The following SESN1 variants were observed in gnomAD, a reference collection of about 807,000 sequenced individuals.
The protein encoded by SESN1 is sestrin-1.
Under a neutral mutation model 59.3 loss-of-function variants are expected in SESN1, and 30 were observed. The ratio of observed to expected loss-of-function variants is 0.51; its 90% CI spans 0.38 to 0.69. The LOEUF (loss-of-function observed/expected upper bound fraction) is 0.69. Ranked by LOEUF, SESN1 falls within the 30% of genes least tolerant of loss-of-function variation. The pLI, the probability that SESN1 is intolerant of heterozygous loss-of-function variation, is 0.00. For missense variants in SESN1, 566 were observed against 673.0 expected (o/e 0.84, Z 1.76); for synonymous variants, 197 against 219.9 (o/e 0.90, Z 0.92).
chr6:109,051,611 CT>C (rs1322413031), intron 1 of SESN1, among the ~76,000 whole-genome samples: 8 of 152,078 alleles, frequency 5.3e-5, no homozygotes, highest in African/African-American at 1.4e-4. Context: ...CACTGGTTTT[CT>C]TTTTTTCTGT....
chr6:109,083,550 T>C (rs888836261), intron 1 of SESN1, among the ~76,000 whole-genome samples: 1 of 152,196 alleles, frequency 6.6e-6, no homozygotes, highest in Admixed American at 6.5e-5. Flanking sequence ...CAATTTTTCA[T>C]ACTCAGAATG....
At chr6:109,024,978 G>A (rs1241994784) in intron 1 of SESN1, among the ~76,000 whole-genome samples, 3 of 152,228 alleles carry the variant, frequency 2.0e-5, no homozygotes, top group East Asian at 1.9e-4. Flanking sequence ...AAAACCCACC[G>A]ACAGGAGGAG....
At chr6:109,044,424 T>A (rs1361999000) in intron 1 of SESN1, among the ~76,000 whole-genome samples, 1 of 137,562 alleles carries the variant, frequency 7.3e-6, no homozygotes, top group African/African-American at 2.7e-5. Flanking sequence ...TAATAGGACA[T>A]CCATACGCAA....
At chr6:109,052,019 C>T (rs1780549972) in intron 1 of SESN1, among the ~76,000 whole-genome samples, 1 of 152,192 alleles carries the variant, frequency 6.6e-6, no homozygotes, top group South Asian at 2.1e-4. Flanking sequence ...CCACAGCAGA[C>T]AACAATGGCT....
chr6:109,063,214 A>G (rs1780760416), intron 1 of SESN1, among the ~76,000 whole-genome samples: 1 of 151,938 alleles, frequency 6.6e-6, no homozygotes, highest in African/African-American at 2.4e-5. Flanking sequence ...ACACACCTCT[A>G]TATTAGATAG....
intron 1 of SESN1, among the ~76,000 whole-genome samples, chr6:109,023,216 A>G (rs1274650639): frequency 1.3e-5 from 2 of 152,196 alleles, no homozygotes; most frequent in Admixed American, 1.3e-4. Flanking sequence ...GATTCCATTT[A>G]TCTACTTATG....
chr6:109,075,079 T>C (rs965773320), intron 1 of SESN1, among the ~76,000 whole-genome samples: 6 of 152,186 alleles, frequency 3.9e-5, no homozygotes, highest in Non-Finnish European at 7.3e-5. Flanking sequence ...CTCCTTTATC[T>C]GGAGAATGGT....
rs1779162394 is a variant in SESN1, at chr6:108,985,619, A to ATAAG, written c.*1921_*1924dup. On this transcript the variant is annotated 3_prime_UTR_variant, in exon 10 of 10. Transcript: ENST00000436639. ...TTTTGATTTCAATTTCTAAGTGATT[A>ATAAG]TAAGTTCCAGTGGACTAAATGCATT... 1.3e-5 allele frequency among the ~76,000 whole-genome samples: 2 copies of ATAAG among 152,246 alleles called. No individual in the cohort carries two copies. Among genetic ancestry groups the ATAAG allele is most frequent in the Admixed American group, 6.5e-5 (1 of 15,288 alleles).
chr6:109,077,641 C>G (rs917206847), intron 1 of SESN1, among the ~76,000 whole-genome samples: 1 of 152,204 alleles, frequency 6.6e-6, no homozygotes, highest in African/African-American at 2.4e-5. Context: ...TTTGGGAACC[C>G]TGGGGTCCAA....
At chr6:109,046,977 G>A (rs868245954) in intron 1 of SESN1, among the ~76,000 whole-genome samples, 3 of 97,344 alleles carry the variant, frequency 3.1e-5, no homozygotes, top group Non-Finnish European at 4.3e-5. Flanking sequence ...CAGCCACCCC[G>A]TCCGGGAGGG....
In SESN1 at chr6:108,984,908, T is replaced by C. The variant is rs1260581915; in HGVS notation, c.*2636A>G. ...TTGCCTAAATGCTGCAGTTTCCCAA[T>C]TGGTTTCTAGAGTTCTCACAAAGAT... On this transcript the variant is annotated 3_prime_UTR_variant, in exon 10 of 10. Coordinates refer to ENST00000436639, the MANE Select transcript of SESN1 (RefSeq NM_014454.3). Among the ~76,000 whole-genome samples, 2 of 152,130 alleles carry C rather than the reference T, an allele frequency of 1.3e-5. No individual in the cohort carries two copies. The highest frequency in any genetic ancestry group is 4.8e-5 in the African/African-American group (2 of 41,428).
chr6:109,022,707 C>A (rs1055219353), intron 1 of SESN1, among the ~76,000 whole-genome samples: 1 of 152,010 alleles, frequency 6.6e-6, no homozygotes, highest in African/African-American at 2.4e-5. Flanking sequence ...AAACACCATG[C>A]CTGGCCGTTC....
chr6:108,991,056 AGTCTC>A (rs2114263320), intron 7 of SESN1, among the ~76,000 whole-genome samples: 1 of 149,890 alleles, frequency 6.7e-6, no homozygotes, highest in African/African-American at 2.5e-5. Context: ...AAAAACTAAT[AGTCTC>A]ATCTCAAAAA....
At chr6:109,046,854 C>T (rs1780451244) in intron 1 of SESN1, among the ~76,000 whole-genome samples, 1 of 133,074 alleles carries the variant, frequency 7.5e-6, no homozygotes, top group Non-Finnish European at 1.7e-5. Flanking sequence ...TGGCAACCAC[C>T]CCGTATGAGA....
intron 1 of SESN1, among the ~76,000 whole-genome samples, chr6:109,072,735 C>A (rs2114467391): frequency 6.6e-6 from 1 of 151,992 alleles, no homozygotes; most frequent in African/African-American, 2.4e-5. Flanking sequence ...TACAACATAC[C>A]CAAATTATTG....
At chr6:109,031,159 A>G (rs1005429494) in intron 1 of SESN1, among the ~76,000 whole-genome samples, 1 of 152,210 alleles carries the variant, frequency 6.6e-6, no homozygotes. Flanking sequence ...TGAACTCAAG[A>G]GACAGTTAAG....
At chr6:109,051,497 C>T (rs1191263023) in intron 1 of SESN1, among the ~76,000 whole-genome samples, 1 of 152,006 alleles carries the variant, frequency 6.6e-6, no homozygotes, top group Non-Finnish European at 1.5e-5. Context: ...AAATAGGGTC[C>T]TCTTATTACC....
chr6:108,994,589 C>T lies in SESN1; in HGVS notation c.993G>A (p.Glu331=). Reference sequence around the variant, plus strand: ...TCATCTTTTCCATGAGGGCTTCAACCTCAAAGAAAGAATCACTTACCTGAA... The same window carrying T: ...TCATCTTTTCCATGAGGGCTTCAACTTCAAAGAAAGAATCACTTACCTGAA... ...ENVSVSDSFF[E]VEALMEKMRQ... The change falls in exon 6 of 10, where the codon GAG becomes GAA. Residue 331 remains glutamate (E), a synonymous_variant. Transcript: ENST00000436639. The T allele has an allele frequency of 6.2e-7, 1 of 1,611,942 alleles. No homozygotes were observed. Among genetic ancestry groups the T allele is most frequent in the Non-Finnish European group, 8.5e-7 (1 of 1,179,026 alleles).
chr6:109,051,674 C>A (rs1409745609), intron 1 of SESN1, among the ~76,000 whole-genome samples: 3 of 152,128 alleles, frequency 2.0e-5, no homozygotes, highest in Non-Finnish European at 4.4e-5. Flanking sequence ...TTGTCTTACT[C>A]CATTTTGTGC....
Sources: gnomAD v4.1 joint callset for allele counts (sites outside exome capture counted in the v4.1 genomes callset) on GRCh38, gnomAD v4.1.1 for gene constraint, MANE v1.5 for transcripts, NCBI Gene and HGNC (gene_info 2026-07-23, HGNC 2026-07-21) for gene names.